Variants in MAPK8IP3 observed in about 807,000 individuals in gnomAD.
MAPK8IP3 encodes C-Jun-amino-terminal kinase-interacting protein 3.
Under a neutral mutation model 157.8 loss-of-function variants are expected in MAPK8IP3, and 49 were observed. The ratio of observed to expected loss-of-function variants is 0.31; its 90% CI spans 0.25 to 0.39. The LOEUF is 0.39. MAPK8IP3 is among the 10% of genes least tolerant of loss of function. The pLI, the probability that MAPK8IP3 is intolerant of heterozygous loss-of-function variation, is 1.00. For synonymous variants in MAPK8IP3, 897 were observed against 777.7 expected (o/e 1.15, Z -2.55); for missense variants, 1,478 against 1,889.4 (o/e 0.78, Z 4.04).
intron 4 of MAPK8IP3, among the ~76,000 whole-genome samples, chr16:1,740,451 T>C (rs769507091): frequency 3.7e-5 from 5 of 136,804 alleles, no homozygotes; most frequent in Non-Finnish European, 7.9e-5. Flanking sequence ...CCTGTCTCCT[T>C]ATCGTCACAT....
At chr16:1,740,252 TCGTGTGAGTGTGTGACCGTC>T (rs1339195162) in intron 4 of MAPK8IP3, among the ~76,000 whole-genome samples, 1 of 90,974 alleles carries the variant, frequency 1.1e-5, no homozygotes, top group Non-Finnish European at 2.2e-5. Flanking sequence ...GTGTGACCGT[TCGTGTGAGTGTGTGACCGTC>T]CGTGTGAGTG....
intron 8 of MAPK8IP3, chr16:1,752,462 G>A (rs538432519): frequency 2.5e-5 from 9 of 357,648 alleles, no homozygotes; most frequent in African/African-American, 1.3e-4. Flanking sequence ...AGGCAGGGAG[G>A]CCAGGCACAG....
chr16:1,758,439 T>A (rs909807287), intron 9 of MAPK8IP3, among the ~76,000 whole-genome samples: 3 of 152,184 alleles, frequency 2.0e-5, no homozygotes, highest in African/African-American at 7.2e-5. Context: ...CGCACGGCAG[T>A]GACTGGACAT....
chr16:1,714,031 A>G (rs1045739697), intron 1 of MAPK8IP3: 3 of 151,950 alleles, frequency 2.0e-5, no homozygotes, highest in African/African-American at 7.3e-5. Flanking sequence ...GTTAATTTGC[A>G]TCTTCTAGAG....
rs115881810 is a variant in MAPK8IP3, at chr16:1,758,566, G to A, written c.1228+407G>A. ...CCCTCCCCACGTGGGTGGACAGGCC[G>A]AGTCCTGCTCTCTGGCTGCACAGCA... On this transcript the variant is annotated intron_variant, in intron 9 of 31. Transcript: ENST00000610761. Among the ~76,000 whole-genome samples the A allele has an allele frequency of 4.0e-3, 616 of 152,236 alleles. 2 individuals carry two copies. The highest frequency in any genetic ancestry group is 0.013 in the African/African-American group (544 of 41,548).
At chr16:1,715,968 C>G (rs2038120906) in intron 1 of MAPK8IP3, among the ~76,000 whole-genome samples, 1 of 152,108 alleles carries the variant, frequency 6.6e-6, no homozygotes, top group Non-Finnish European at 1.5e-5. Context: ...CTCACGTGAT[C>G]TGCCCACCTC....
chr16:1,759,241 CGCCGGGCAG>C (rs2041796509), intron 10 of MAPK8IP3, among the ~76,000 whole-genome samples: 2 of 148,492 alleles, frequency 1.3e-5, no homozygotes, highest in African/African-American at 5.2e-5. Context: ...ACCCCACAAG[CGCCGGGCAG>C]ACCCTGCCTG....
In MAPK8IP3 at chr16:1,743,350, C is replaced by A; in HGVS notation, c.621C>A (p.Thr207=). 6.4e-7 allele frequency: 1 copy of A among 1,567,012 alleles called. No individual in the cohort carries two copies. Residue 207 remains threonine, a synonymous_variant, in exon 5 of 32, where the codon ACC becomes ACA. Coordinates refer to ENST00000610761, the MANE Select transcript of MAPK8IP3 (RefSeq NM_001318852.2). This position sits in a 1 kb window ranked among gnomAD's most constrained non-coding sequence, Gnocchi z 5.6. ...LPGRSRKERP[T]SLNVFPLADG... is the part of the protein sequence containing the mutation. The stretch of plus-strand genomic sequence containing the variant: ...ATTTCAGCAGGAAGGAGCGCCCCAC[C>A]TCCCTGAACGTGTTCCCCCTGGCTG...
intron 1 of MAPK8IP3, chr16:1,713,957 C>A (rs1567136030): frequency 6.6e-6 from 1 of 152,248 alleles, no homozygotes; most frequent in Non-Finnish European, 1.5e-5. Flanking sequence ...ATGTAATCCC[C>A]CTCCGACCCC....
chr16:1,732,825 G>T (rs772218335), intron 4 of MAPK8IP3, among the ~76,000 whole-genome samples: 1 of 152,060 alleles, frequency 6.6e-6, no homozygotes, highest in African/African-American at 2.4e-5. Context: ...ACGCCAGGGC[G>T]TGTGGATGCC....
At chr16:1,762,305 C>G (rs757792661) in intron 13 of MAPK8IP3, 46 bp from the exon 14 acceptor site, 1 of 1,525,804 alleles carries the variant, frequency 6.6e-7, no homozygotes, top group East Asian at 2.4e-5. Flanking sequence ...CAGGTGTCAC[C>G]CGGCCTCCGA....
chr16:1,707,339 A>G (rs1272966697), intron 1 of MAPK8IP3: 1 of 152,258 alleles, frequency 6.6e-6, no homozygotes, highest in East Asian at 1.9e-4. Context: ...CAGCAGAAGG[A>G]ACACTCGAGT....
intron 9 of MAPK8IP3, among the ~76,000 whole-genome samples, chr16:1,758,502 A>G (rs2041750293): frequency 6.6e-6 from 1 of 152,192 alleles, no homozygotes; most frequent in Non-Finnish European, 1.5e-5. Flanking sequence ...CCCAGAAGTC[A>G]GGGGTCCTTG....
intron 16 of MAPK8IP3, among the ~76,000 whole-genome samples, 153 bp from the exon 17 acceptor site, chr16:1,763,504 G>A (rs1385837488): frequency 6.6e-6 from 1 of 151,982 alleles, no homozygotes; most frequent in Admixed American, 6.5e-5. Flanking sequence ...TGCCGGGAAA[G>A]CCACCCTTCC....
At chr16:1,765,899 G>A in intron 20 of MAPK8IP3, 61 bp from the exon 21 acceptor site, 1 of 1,472,278 alleles carries the variant, frequency 6.8e-7, no homozygotes, top group African/African-American at 1.4e-5. Context: ...TGTAAGTGCT[G>A]GGCACGCCCT....
intron 20 of MAPK8IP3, among the ~76,000 whole-genome samples, 163 bp from the exon 21 acceptor site, chr16:1,765,797 C>T (rs2042222373): frequency 6.6e-6 from 1 of 152,186 alleles, no homozygotes; most frequent in Non-Finnish European, 1.5e-5. Flanking sequence ...GACCTCCAGG[C>T]AGAGGGTCGT....
Position 1,764,312 on chromosome 16 carries a change from C to T in MAPK8IP3, c.2133C>T (p.Ala711=), listed in dbSNP as rs61729113. Residue 711 remains alanine (A), a synonymous_variant, in exon 19 of 32, where the codon GCC becomes GCT. Coordinates refer to ENST00000610761, the MANE Select transcript of MAPK8IP3 (RefSeq NM_001318852.2). ...CCCTGCCCTTGCAGCTGTGGTGTGC[C>T]GCGGGCGTCAACCTGAGCGGGTGGA... The part of the protein sequence containing the change: ...EKDPTMKLWC[A]AGVNLSGWRP... 1,343 of 1,576,848 alleles carry T rather than the reference C, an allele frequency of 8.5e-4. 13 individuals carry two copies. In the African/African-American group the frequency reaches 0.016, roughly 19 times the overall value.
Position 1,738,969 on chromosome 16 carries a change from ACCGT to A in MAPK8IP3, c.603-4358_603-4355del, listed in dbSNP as rs568340933. Among the ~76,000 whole-genome samples, 10 of 137,386 alleles carry A rather than the reference ACCGT, an allele frequency of 7.3e-5. No individual in the cohort carries two copies. The South Asian group carries it at 1.0e-3, about 14-fold the overall frequency. The allele number at this position is 137,386 out of a possible 152,430, so 90.1% of individuals were successfully genotyped here. On this transcript the variant is annotated intron_variant, in intron 4 of 31. Coordinates refer to ENST00000610761, the MANE Select transcript of MAPK8IP3 (RefSeq NM_001318852.2). Reference sequence around the variant, plus strand: ...GACCACCCATGTGAGCATCTGTGTGACCGTCCGTGTGAGCATGTGAGCATCCGTG... The same window carrying A: ...GACCACCCATGTGAGCATCTGTGTGACCGTGTGAGCATGTGAGCATCCGTG...
intron 1 of MAPK8IP3, among the ~76,000 whole-genome samples, chr16:1,711,737 C>A (rs2037783238): frequency 6.6e-6 from 1 of 151,970 alleles, no homozygotes; most frequent in Admixed American, 6.6e-5. Flanking sequence ...GTAAGGAGTT[C>A]GAGACCAGCC....
Sources: allele counts gnomAD v4.1 joint callset (sites outside exome capture counted in the v4.1 genomes callset), GRCh38; gene constraint gnomAD v4.1.1; non-coding constraint Gnocchi (gnomAD v3.1); transcripts MANE v1.5; gene names NCBI Gene and HGNC (gene_info 2026-07-23, HGNC 2026-07-21).